DYNC1I1: variants seen among roughly 807,000 people sequenced by gnomAD.
DYNC1I1 encodes cytoplasmic dynein 1 intermediate chain 1.
DYNC1I1 carries 43 observed loss-of-function variants against 86.6 expected under a neutral mutation model. That is an observed-to-expected ratio of 0.50 (90% CI 0.39 to 0.64). The LOEUF (loss-of-function observed/expected upper bound fraction) is 0.64, where lower values mean the gene tolerates loss of function less well. Ranked by LOEUF, DYNC1I1 falls within the 30% of genes least tolerant of loss-of-function variation. DYNC1I1 has a pLI of 0.00. For synonymous variants in DYNC1I1, 262 were observed against 283.7 expected (o/e 0.92, Z 0.77); for missense variants, 604 against 788.8 (o/e 0.77, Z 2.81).
chr7:95,833,655 G>C (rs1251867597), intron 5 of DYNC1I1, among the ~76,000 whole-genome samples: 1 of 150,416 alleles, frequency 6.6e-6, no homozygotes, highest in Non-Finnish European at 1.5e-5. Flanking sequence ...TTGAGCAGTG[G>C]TTTGTAGTTC....
chr7:95,976,943 T>C (rs1387733576), intron 6 of DYNC1I1, among the ~76,000 whole-genome samples: 2 of 152,212 alleles, frequency 1.3e-5, no homozygotes, highest in African/African-American at 4.8e-5. Flanking sequence ...CATGAACTGC[T>C]CTGAATGTGT....
chr7:95,929,642 G>C (rs537165261), intron 6 of DYNC1I1, among the ~76,000 whole-genome samples: 1 of 152,172 alleles, frequency 6.6e-6, no homozygotes. Flanking sequence ...TTCAGATCAA[G>C]ATTCAGAATA....
chr7:96,080,529 G>GTATC (rs780797032), intron 16 of DYNC1I1, 41 bp downstream of exon 16: 14 of 1,613,912 alleles, frequency 8.7e-6, no homozygotes, highest in East Asian at 2.2e-5. Flanking sequence ...TTTGACTTGT[G>GTATC]TATCTACTTT....
At chr7:96,025,840 CG>C (rs3216255) in intron 10 of DYNC1I1, among the ~76,000 whole-genome samples, 35,598 of 150,032 alleles carry the variant, frequency 0.24, 4,594 homozygotes, top group South Asian at 0.36. Flanking sequence ...TACAAGCTTG[CG>C]GGGGGGGGAT....
At chr7:96,092,431 T>G (rs1425010166) in intron 16 of DYNC1I1, among the ~76,000 whole-genome samples, 2 of 152,166 alleles carry the variant, frequency 1.3e-5, no homozygotes, top group Non-Finnish European at 2.9e-5. Context: ...AGATCAGAAG[T>G]GTTAAAACCA....
chr7:95,853,702 A>T (rs909811933), intron 5 of DYNC1I1, among the ~76,000 whole-genome samples: 1 of 152,024 alleles, frequency 6.6e-6, no homozygotes, highest in East Asian at 1.9e-4. Context: ...TTTAAACCTT[A>T]TGTGTCTTTA....
chr7:95,827,008 T>C (rs536482491), intron 4 of DYNC1I1, among the ~76,000 whole-genome samples: 90 of 152,118 alleles, frequency 5.9e-4, no homozygotes, highest in Non-Finnish European at 8.8e-4. Flanking sequence ...CTGGGGAACT[T>C]GTTAAACTGT....
At position 95,823,952 on chromosome 7, in the gene DYNC1I1, CTA is replaced by C. The variant is rs71127429; in HGVS notation, c.315-4079_315-4078del. Among the ~76,000 whole-genome samples, 462 of 77,848 alleles carry C rather than the reference CTA, an allele frequency of 5.9e-3. 31 individuals carry two copies. Among genetic ancestry groups the C allele is most frequent in the African/African-American group, 0.026 (392 of 15,114 alleles). The allele number at this position is 77,848 out of a possible 152,430, so 51.1% of individuals were successfully genotyped here. ...TTACTTTCAGATTTGTTCTACTAAACTATATATATATATATATATATATATAT... is the reference window on the plus strand; with the variant it reads ...TTACTTTCAGATTTGTTCTACTAAACTATATATATATATATATATATATAT... On this transcript the variant is annotated intron_variant, in intron 4 of 16. Transcript: ENST00000447467.
chr7:95,898,781 A>G (rs1790957492), intron 6 of DYNC1I1, among the ~76,000 whole-genome samples: 1 of 152,180 alleles, frequency 6.6e-6, no homozygotes, highest in African/African-American at 2.4e-5. Flanking sequence ...AGGCAGGTGA[A>G]AGAAACGCTT....
At chr7:96,055,563 C>A (rs1789551700) in intron 14 of DYNC1I1, among the ~76,000 whole-genome samples, 1 of 151,834 alleles carries the variant, frequency 6.6e-6, no homozygotes, top group Non-Finnish European at 1.5e-5. Context: ...TTCTAATGGG[C>A]AAATCCTACT....
intron 6 of DYNC1I1, among the ~76,000 whole-genome samples, chr7:95,903,469 C>T (rs1021380623): frequency 5.3e-5 from 8 of 152,038 alleles, no homozygotes; most frequent in African/African-American, 1.9e-4. Context: ...GGACTGGAAC[C>T]CAGAAGAAGT....
chr7:95,957,896 T>G (rs1432148790), intron 6 of DYNC1I1, among the ~76,000 whole-genome samples: 1 of 152,180 alleles, frequency 6.6e-6, no homozygotes, highest in Non-Finnish European at 1.5e-5. Flanking sequence ...GAGCCTTCAC[T>G]GGGAGAAAGT....
intron 6 of DYNC1I1, among the ~76,000 whole-genome samples, chr7:95,937,280 G>C (rs1257710195): frequency 6.8e-6 from 1 of 146,800 alleles, no homozygotes; most frequent in African/African-American, 2.4e-5. Flanking sequence ...TAGTATATTG[G>C]ATACTTAAAA....
intron 6 of DYNC1I1, among the ~76,000 whole-genome samples, chr7:95,872,053 C>T (rs1342155412): frequency 2.0e-5 from 3 of 152,234 alleles, no homozygotes; most frequent in Admixed American, 2.0e-4. Flanking sequence ...TGCCGGCAGT[C>T]ACCCGGCTGC....
At chr7:96,080,272 G>T in intron 15 of DYNC1I1, 91 bp from the exon 16 acceptor site, 1 of 1,467,830 alleles carries the variant, frequency 6.8e-7, no homozygotes, top group Non-Finnish European at 9.0e-7. Flanking sequence ...AAGGCAGTTG[G>T]TGACTCATCC....
chr7:96,011,482 G>A (rs1794275068), intron 10 of DYNC1I1, among the ~76,000 whole-genome samples: 1 of 152,136 alleles, frequency 6.6e-6, no homozygotes, highest in African/African-American at 2.4e-5. Flanking sequence ...CAAAGTAGGT[G>A]CCAAATATTA....
chr7:95,979,335 T>C (rs1248095305), intron 7 of DYNC1I1, among the ~76,000 whole-genome samples: 6 of 152,186 alleles, frequency 3.9e-5, no homozygotes, highest in Non-Finnish European at 7.3e-5. Context: ...TTTTTTTGCC[T>C]CAGTTTCCCC....
chr7:95,875,466 T>A (rs1790286125), intron 6 of DYNC1I1, among the ~76,000 whole-genome samples: 1 of 152,166 alleles, frequency 6.6e-6, no homozygotes, highest in African/African-American at 2.4e-5. Context: ...ATATACAAAA[T>A]AAACAACTTT....
intron 4 of DYNC1I1, among the ~76,000 whole-genome samples, chr7:95,815,632 A>G (rs888754749): frequency 3.9e-5 from 6 of 152,178 alleles, no homozygotes; most frequent in African/African-American, 1.2e-4. Flanking sequence ...TAGAAGACAC[A>G]TCTTTGAAAA....
Sources: gnomAD v4.1 joint callset for allele counts (sites outside exome capture counted in the v4.1 genomes callset) on GRCh38, gnomAD v4.1.1 for gene constraint, MANE v1.5 for transcripts, NCBI Gene and HGNC (gene_info 2026-07-23, HGNC 2026-07-21) for gene names.